STK4: variants seen among roughly 807,000 people sequenced by gnomAD.
STK4 encodes serine/threonine kinase 4.
STK4 carries 30 observed loss-of-function variants against 64.9 expected under a neutral mutation model. The ratio of observed to expected loss-of-function variants is 0.46; its 90% CI spans 0.35 to 0.63. STK4 has a LOEUF of 0.63. Ranked by LOEUF, STK4 falls within the 20% of genes least tolerant of loss-of-function variation. STK4 has a pLI of 0.01. For synonymous variants in STK4, 177 were observed against 199.0 expected, an observed-to-expected ratio of 0.89 and a Z score of 0.93; for missense variants, 466 against 598.5, an observed-to-expected ratio of 0.78 and a Z score of 2.31.
At chr20:45,018,340 A>G (rs1170540633) in intron 9 of STK4, among the ~76,000 whole-genome samples, 1 of 152,214 alleles carries the variant, frequency 6.6e-6, no homozygotes, top group African/African-American at 2.4e-5. Flanking sequence ...CATTGTAGGA[A>G]TTAAGGAAAC....
intron 10 of STK4, among the ~76,000 whole-genome samples, chr20:45,060,893 A>G (rs191022662): frequency 1.3e-5 from 2 of 152,220 alleles, no homozygotes; most frequent in African/African-American, 4.8e-5. Context: ...TTTTTGTCCC[A>G]TACCCACTCT....
intron 4 of STK4, among the ~76,000 whole-genome samples, chr20:44,982,195 A>G (rs2067454426): frequency 6.7e-6 from 1 of 148,328 alleles, no homozygotes; most frequent in African/African-American, 2.5e-5. Flanking sequence ...CACTACAGTC[A>G]TAGCTCTACC....
chr20:44,987,353 C>G, intron 5 of STK4, 57 bp downstream of exon 5: 2 of 1,485,828 alleles, frequency 1.3e-6, no homozygotes, highest in Non-Finnish European at 1.8e-6. Flanking sequence ...AGAAGCAGTT[C>G]CTTTTATTTA....
At chr20:44,982,068 A>G (rs1262214389) in intron 4 of STK4, 125 bp downstream of exon 4, 4 of 309,860 alleles carry the variant, frequency 1.3e-5, no homozygotes, top group South Asian at 9.5e-5. Context: ...TTCCATGGTT[A>G]TTTTCCATCT....
intron 9 of STK4, among the ~76,000 whole-genome samples, chr20:45,005,724 G>A (rs1333952447): frequency 6.6e-6 from 1 of 150,520 alleles, no homozygotes; most frequent in East Asian, 1.9e-4. Context: ...TGAACATAGT[G>A]AGCTACTAAT....
intron 9 of STK4, among the ~76,000 whole-genome samples, chr20:45,018,989 C>T (rs114413848): frequency 0.028 from 4,326 of 152,180 alleles, 192 homozygotes; most frequent in African/African-American, 0.093. Context: ...GCCTTGGCCA[C>T]CTGAAGTGCT....
intron 10 of STK4, among the ~76,000 whole-genome samples, chr20:45,063,006 T>G (rs1345315549): frequency 9.7e-6 from 1 of 103,158 alleles, no homozygotes; most frequent in Non-Finnish European, 2.0e-5. Flanking sequence ...TTTTTTTTTT[T>G]TTTTTTTTTT....
chr20:45,013,260 T>C (rs2068086465), intron 9 of STK4, among the ~76,000 whole-genome samples: 1 of 152,096 alleles, frequency 6.6e-6, no homozygotes, highest in South Asian at 2.1e-4. Context: ...ACAGGCTAAA[T>C]AAGTTTTGGT....
At chr20:44,992,748 A>G (rs951585125) in intron 5 of STK4, among the ~76,000 whole-genome samples, 6 of 151,308 alleles carry the variant, frequency 4.0e-5, no homozygotes, top group African/African-American at 1.5e-4. Context: ...AGGCTAGAGG[A>G]CAGTAGCGCA....
intron 10 of STK4, among the ~76,000 whole-genome samples, chr20:45,030,326 G>T (rs1317846028): frequency 6.6e-6 from 1 of 151,978 alleles, no homozygotes; most frequent in African/African-American, 2.4e-5. Context: ...GGCTGATCTT[G>T]AACACCTGAC....
intron 9 of STK4, among the ~76,000 whole-genome samples, chr20:45,004,664 A>G (rs1029178877): frequency 4.0e-5 from 6 of 151,038 alleles, no homozygotes; most frequent in African/African-American, 1.5e-4. Context: ...TGCTGTGCAG[A>G]GACTCTTTAG....
intron 10 of STK4, among the ~76,000 whole-genome samples, chr20:45,026,703 G>T (rs1178800472): frequency 6.6e-6 from 1 of 152,156 alleles, no homozygotes; most frequent in Non-Finnish European, 1.5e-5. Flanking sequence ...TATTATTCTA[G>T]TTGCTGTATT....
intron 10 of STK4, among the ~76,000 whole-genome samples, chr20:45,051,987 C>A (rs979862677): frequency 5.9e-5 from 9 of 152,082 alleles, no homozygotes; most frequent in African/African-American, 2.2e-4. Context: ...TTGCGTAATC[C>A]CAAATCCAAA....
At chr20:45,058,719 T>A (rs926880313) in intron 10 of STK4, among the ~76,000 whole-genome samples, 1 of 152,200 alleles carries the variant, frequency 6.6e-6, no homozygotes, top group Non-Finnish European at 1.5e-5. Context: ...ATTAGCTAGC[T>A]CTTTTCCTGA....
chr20:44,987,622 C>T (rs1405111642), intron 5 of STK4, among the ~76,000 whole-genome samples: 1 of 152,102 alleles, frequency 6.6e-6, no homozygotes, highest in Non-Finnish European at 1.5e-5. Context: ...AAACTGCTTT[C>T]CTTGACTAAG....
In STK4 at chr20:45,039,042, T is replaced by C. The variant is rs376103596; in HGVS notation, c.1305+13912T>C. 2.0e-5 allele frequency among the ~76,000 whole-genome samples: 3 copies of C among 152,064 alleles called. No homozygotes were observed. In the East Asian group the frequency reaches 5.8e-4, roughly 29 times the overall value. On this transcript the variant is annotated intron_variant, in intron 10 of 10. Coordinates refer to ENST00000372806, the MANE Select transcript of STK4 (RefSeq NM_006282.5). ...GTGTAGTTGAAAAAGACAGAACTAT[T>C]GTAATAGCTGTTTAAGATAACTGTG...
chr20:45,059,871 A>T (rs1279945055), intron 10 of STK4, among the ~76,000 whole-genome samples: 1 of 152,146 alleles, frequency 6.6e-6, no homozygotes, highest in Non-Finnish European at 1.5e-5. Context: ...ATTTTGAGTA[A>T]TTGATACAAC....
intron 9 of STK4, among the ~76,000 whole-genome samples, chr20:45,008,423 A>G (rs1466209623): frequency 6.6e-6 from 1 of 152,148 alleles, no homozygotes; most frequent in Non-Finnish European, 1.5e-5. Flanking sequence ...TATATGTATC[A>G]TATTTTCTTT....
chr20:45,004,491 G>T (rs1423668241), intron 9 of STK4: 1 of 151,182 alleles, frequency 6.6e-6, no homozygotes, highest in Non-Finnish European at 1.5e-5. Flanking sequence ...TTTAAGAAAT[G>T]CCTGTTCATG....
Sources: gnomAD v4.1 joint callset for allele counts (sites outside exome capture counted in the v4.1 genomes callset) on GRCh38, gnomAD v4.1.1 for gene constraint, MANE v1.5 for transcripts, NCBI Gene and HGNC (gene_info 2026-07-23, HGNC 2026-07-21) for gene names.